The following ASAP1 variants were observed in gnomAD, a reference collection of about 807,000 sequenced individuals.
ASAP1 encodes ArfGAP with SH3 domain, ankyrin repeat and PH domain 1.
Under a neutral mutation model 145.2 loss-of-function variants are expected in ASAP1, and 43 were observed. The ratio of observed to expected loss-of-function variants is 0.30; its 90% CI spans 0.23 to 0.38. ASAP1 has a LOEUF of 0.38. Ranked by LOEUF, ASAP1 falls within the 10% of genes least tolerant of loss-of-function variation. ASAP1 has a pLI of 1.00. For synonymous variants in ASAP1, 546 were observed against 515.5 expected (o/e 1.06, Z -0.80); for missense variants, 1,018 against 1,355.3 (o/e 0.75, Z 3.91).
intron 2 of ASAP1, among the ~76,000 whole-genome samples, chr8:130,378,732 G>A (rs1421803422): frequency 6.6e-6 from 1 of 152,186 alleles, no homozygotes; most frequent in Non-Finnish European, 1.5e-5. Context: ...GGCCTGCCCT[G>A]GGCACCGCAT....
intron 4 of ASAP1, among the ~76,000 whole-genome samples, chr8:130,220,999 T>C (rs957752610): frequency 1.3e-5 from 2 of 152,116 alleles, no homozygotes; most frequent in African/African-American, 4.8e-5. Flanking sequence ...ATGTGGGGAT[T>C]ACAATTCAGA....
intron 3 of ASAP1, among the ~76,000 whole-genome samples, chr8:130,254,692 C>G (rs1819406462): frequency 6.6e-6 from 1 of 152,124 alleles, no homozygotes; most frequent in African/African-American, 2.4e-5. Context: ...AAATCAAGGA[C>G]TTTTTAGCTA....
In ASAP1 at chr8:130,373,624, G is replaced by A. The variant is rs545453358; in HGVS notation, c.60-15481C>T. Among the ~76,000 whole-genome samples, 68 of 152,156 alleles carry A rather than the reference G, an allele frequency of 4.5e-4. 1 individual carries two copies. In the South Asian group the frequency reaches 0.014, roughly 31 times the overall value. ...AGCACTTTGGGAGGCCAAGGAGGGT[G>A]GATCACCTGAGTTTGGGAGTTTGAG... On this transcript the variant is annotated intron_variant, in intron 2 of 29. Transcript: ENST00000518721.
intron 1 of ASAP1, among the ~76,000 whole-genome samples, chr8:130,431,330 G>A (rs889255100): frequency 3.3e-5 from 5 of 152,150 alleles, no homozygotes; most frequent in Admixed American, 2.6e-4. Context: ...TAAGCCTTCA[G>A]TGGTTCCTCA....
At chr8:130,369,093 T>G (rs1336481674) in intron 2 of ASAP1, among the ~76,000 whole-genome samples, 3 of 152,248 alleles carry the variant, frequency 2.0e-5, no homozygotes, top group Non-Finnish European at 4.4e-5. Context: ...CAGAATCAAT[T>G]AGATAATACA....
intron 28 of ASAP1, 79 bp downstream of exon 28, chr8:130,060,500 A>T: frequency 6.6e-7 from 1 of 1,505,590 alleles, no homozygotes; most frequent in Admixed American, 2.2e-5. Context: ...TTTCTTGTGT[A>T]AGTTGGAGCA....
intron 3 of ASAP1, among the ~76,000 whole-genome samples, chr8:130,273,825 C>A (rs1347899058): frequency 6.6e-6 from 1 of 152,142 alleles, no homozygotes; most frequent in Non-Finnish European, 1.5e-5. Flanking sequence ...TTAACACTGC[C>A]CTGTCTGGTA....
intron 2 of ASAP1, among the ~76,000 whole-genome samples, chr8:130,399,510 T>C (rs1485846699): frequency 6.6e-6 from 1 of 151,988 alleles, no homozygotes; most frequent in Non-Finnish European, 1.5e-5. Context: ...ATTTTGAAAA[T>C]AAAAGTAAAG....
chr8:130,383,096 C>CA (rs1586946565), intron 2 of ASAP1, among the ~76,000 whole-genome samples: 1 of 152,138 alleles, frequency 6.6e-6, no homozygotes, highest in Non-Finnish European at 1.5e-5. Flanking sequence ...TCCCCTCTCT[C>CA]AAAACAAGGG....
chr8:130,384,688 C>T (rs1827931701), intron 2 of ASAP1, among the ~76,000 whole-genome samples: 1 of 152,076 alleles, frequency 6.6e-6, no homozygotes, highest in Non-Finnish European at 1.5e-5. Flanking sequence ...CACCATGTTG[C>T]CCAGGCTGAT....
At chr8:130,338,916 C>T (rs1024796406) in intron 3 of ASAP1, among the ~76,000 whole-genome samples, 11 of 152,186 alleles carry the variant, frequency 7.2e-5, no homozygotes, top group African/African-American at 2.7e-4. Flanking sequence ...ACTGGTTGGT[C>T]CAGAATTGGG....
chr8:130,234,343 C>CTAATAGTACAAACCTAG (rs35815989), intron 4 of ASAP1, among the ~76,000 whole-genome samples: 2 of 151,992 alleles, frequency 1.3e-5, no homozygotes, highest in Non-Finnish European at 2.9e-5. Context: ...AGAGGCTACT[C>CTAATAGTACAAACCTAG]TAATAGTACA....
Position 130,438,820 on chromosome 8 carries a change from G to A in ASAP1, c.-28+4640C>T, listed in dbSNP as rs114020636. Among the ~76,000 whole-genome samples, 617 of 152,240 alleles carry A rather than the reference G, an allele frequency of 4.1e-3. 5 individuals are homozygous for A. The highest frequency in any genetic ancestry group is 0.014 in the African/African-American group (584 of 41,538). The stretch of plus-strand genomic sequence containing the variant: ...ACACAGTGGAGGCTGACTCCCACAA[G>A]TGCATCACTACAGCCACGGTAAGAT... On this transcript the variant is annotated intron_variant, in intron 1 of 29. Coordinates refer to ENST00000518721, the MANE Select transcript of ASAP1 (RefSeq NM_018482.4).
At chr8:130,313,307 A>T (rs1160401400) in intron 3 of ASAP1, among the ~76,000 whole-genome samples, 1 of 132,792 alleles carries the variant, frequency 7.5e-6, no homozygotes, top group Admixed American at 7.7e-5. Context: ...ATAACCGTTT[A>T]AAAAAAAAAA....
chr8:130,234,189 T>G (rs1228091814), intron 4 of ASAP1, among the ~76,000 whole-genome samples: 3 of 152,200 alleles, frequency 2.0e-5, no homozygotes, highest in Non-Finnish European at 4.4e-5. Context: ...CCTGTGATGA[T>G]GGAGAAGTTT....
intron 3 of ASAP1, among the ~76,000 whole-genome samples, chr8:130,268,490 AACACACAC>A (rs113714700): frequency 0.02 from 2,599 of 133,184 alleles, 26 homozygotes; most frequent in Middle Eastern, 0.04. Context: ...CCCGTCTTAA[AACACACAC>A]ACACACACAC....
chr8:130,287,823 C>G (rs764516547), intron 3 of ASAP1, among the ~76,000 whole-genome samples: 18 of 152,222 alleles, frequency 1.2e-4, no homozygotes, highest in Non-Finnish European at 2.1e-4. Flanking sequence ...TTTGTCACCT[C>G]TATACCCCTA....
intron 12 of ASAP1, among the ~76,000 whole-genome samples, chr8:130,153,088 C>T (rs2097649966): frequency 2.6e-5 from 4 of 151,300 alleles, no homozygotes; most frequent in African/African-American, 7.3e-5. Flanking sequence ...GGCATGATCT[C>T]GGCTCACTGC....
rs564597813 is a variant in ASAP1, at chr8:130,350,440, G to A, written c.186+7577C>T. Among the ~76,000 whole-genome samples, 27 of 152,250 alleles carry A rather than the reference G, an allele frequency of 1.8e-4. 1 individual carries two copies. The South Asian group carries it at 2.9e-3, about 16-fold the overall frequency. On this transcript the variant is annotated intron_variant, in intron 3 of 29. Transcript: ENST00000518721. ...TCCCATCATTCATGAGGTTCCTCCC[G>A]TGGAGATACAAAGCCCTTCTAGGAA...
Sources: gnomAD v4.1 joint callset for allele counts (sites outside exome capture counted in the v4.1 genomes callset) on GRCh38, gnomAD v4.1.1 for gene constraint, MANE v1.5 for transcripts, NCBI Gene and HGNC (gene_info 2026-07-23, HGNC 2026-07-21) for gene names.